Variants in CELF3 observed in about 807,000 individuals in gnomAD.
The protein encoded by CELF3 is CAG repeat domain.
Under a neutral mutation model 59.6 loss-of-function variants are expected in CELF3, and 26 were observed. That is an observed-to-expected ratio of 0.44 (90% CI 0.32 to 0.61). CELF3 has a LOEUF of 0.61. Ranked by LOEUF, CELF3 falls within the 20% of genes least tolerant of loss-of-function variation. The pLI is 0.06. For missense variants in CELF3, 387 were observed against 627.2 expected, an observed-to-expected ratio of 0.62 and a Z score of 4.09; for synonymous variants, 245 against 250.7, an observed-to-expected ratio of 0.98 and a Z score of 0.22.
Position 151,706,289 on chromosome 1 carries a change from G to A in CELF3, c.1061C>T (p.Pro354Leu). ...PQPPALVAQQ[P>L]PPPPQQQQQQ... is the part of the protein sequence containing the mutation. The stretch of plus-strand genomic sequence containing the variant: ...CTGCTGCTGTTGAGGTGGTGGTGGG[G>A]GCTGCTGGGCGACCAGGGCTGGAGG... The change falls in exon 10 of 13, where the codon CCC (proline) becomes CTC (leucine). Residue 354 changes from proline (P) to leucine (L), a missense_variant. Physicochemically the swap from Pro to Leu is moderately conservative, Grantham distance 98. Transcript: ENST00000290583. The A allele has an allele frequency of 1.3e-6, 2 of 1,568,564 alleles. No individual in the cohort carries two copies. Among genetic ancestry groups the A allele is most frequent in the Non-Finnish European group, 1.7e-6 (2 of 1,157,288 alleles).
chr1:151,703,841 G>A (rs558550782), intron 12 of CELF3, among the ~76,000 whole-genome samples: 1 of 152,256 alleles, frequency 6.6e-6, no homozygotes, highest in African/African-American at 2.4e-5. Context: ...GGGAACACCC[G>A]CAGAGAAGGC....
Position 151,703,310 on chromosome 1 carries a change from C to T in CELF3, c.*149G>A, listed in dbSNP as rs932680410. On this transcript the variant is annotated 3_prime_UTR_variant, in exon 13 of 13. Transcript: ENST00000290583. Reference sequence around the variant, plus strand: ...AGAGAGGCAGGGGGGTGGGAGGGGCCGGTGTCTTGTGCCCCCGGGGGCCAC... The same window carrying T: ...AGAGAGGCAGGGGGGTGGGAGGGGCTGGTGTCTTGTGCCCCCGGGGGCCAC... 1.3e-5 allele frequency: 6 copies of T among 455,220 alleles called. No individual in the cohort carries two copies. The highest frequency in any genetic ancestry group is 3.5e-4 in the Middle Eastern group (1 of 2,864). The allele number at this position is 455,220 out of a possible 1,614,324, so 28.2% of individuals were successfully genotyped here.
At chr1:151,703,727 A>AG (rs1672265616) in intron 12 of CELF3, among the ~76,000 whole-genome samples, 1 of 152,012 alleles carries the variant, frequency 6.6e-6, no homozygotes, top group African/African-American at 2.4e-5. Context: ...TAAAGACTGG[A>AG]GGGGGAGAGA....
intron 2 of CELF3, chr1:151,710,421 C>T (rs1672918560): frequency 3.4e-6 from 1 of 293,074 alleles, no homozygotes; most frequent in East Asian, 9.2e-5. Flanking sequence ...CCCTGGCGAC[C>T]GTGGTGACGT....
In CELF3 at chr1:151,700,308, G is replaced by A. The variant is rs1671987253; in HGVS notation, c.*3151C>T. Among the ~76,000 whole-genome samples the A allele has an allele frequency of 6.6e-6, 1 of 152,196 alleles. No homozygotes were observed. Among genetic ancestry groups the A allele is most frequent in the African/African-American group, 2.4e-5 (1 of 41,452 alleles). Reference sequence around the variant, plus strand: ...GGCCGTTAAGATTTTCATGAAGAAAGTAGTGTTTAAGGTGAACTGTTTTAG... The same window carrying A: ...GGCCGTTAAGATTTTCATGAAGAAAATAGTGTTTAAGGTGAACTGTTTTAG... On this transcript the variant is annotated 3_prime_UTR_variant, in exon 13 of 13. Transcript: ENST00000290583.
rs1318426769 is a variant in CELF3, at chr1:151,705,427, T to G, written c.1271-259A>C. On this transcript the variant is annotated intron_variant, in intron 11 of 12. Coordinates refer to ENST00000290583, the MANE Select transcript of CELF3 (RefSeq NM_007185.7). The surrounding 1 kb of genome is among the most constrained non-coding windows in gnomAD (Gnocchi z 5.1). ...GCCTGGATAGCTCTGAGCCTGCCCT[T>G]TGAAAACGGCCACTTCCAGACCCTA... is the stretch of plus-strand genomic sequence containing the variant. Among the ~76,000 whole-genome samples the G allele has an allele frequency of 6.6e-6, 1 of 152,204 alleles. No homozygotes were observed. The highest frequency in any genetic ancestry group is 1.5e-5 in the Non-Finnish European group (1 of 68,026).
intron 2 of CELF3, among the ~76,000 whole-genome samples, chr1:151,712,874 G>A (rs982246107): frequency 1.3e-5 from 2 of 151,986 alleles, no homozygotes; most frequent in African/African-American, 4.8e-5. Context: ...AGTTATGCAG[G>A]AGCTGACACA....
rs1672440683 is a variant in CELF3, at chr1:151,705,614, G to GTTT, written c.1270+205_1270+207dup. Among the ~76,000 whole-genome samples the GTTT allele has an allele frequency of 6.6e-6, 1 of 152,156 alleles. No homozygotes were observed. Among genetic ancestry groups the GTTT allele is most frequent in the South Asian group, 2.1e-4 (1 of 4,830 alleles). The stretch of plus-strand genomic sequence containing the variant: ...ACCTCATGGGACATGAATTTGGCCA[G>GTTT]TTTTTAAGAGAAACGCTGAAGGAAG... On this transcript the variant is annotated intron_variant, in intron 11 of 12. Transcript: ENST00000290583. The surrounding 1 kb of genome is among the most constrained non-coding windows in gnomAD (Gnocchi z 5.1).
chr1:151,715,734 C>T (rs1673426625), intron 1 of CELF3, 142 bp downstream of exon 1: 3 of 1,585,262 alleles, frequency 1.9e-6, no homozygotes, highest in Non-Finnish European at 1.7e-6. Context: ...TCTTTTTCAG[C>T]TCCTCCATCC....
At chr1:151,715,449 C>T (rs1673396538) in intron 1 of CELF3, among the ~76,000 whole-genome samples, 1 of 152,054 alleles carries the variant, frequency 6.6e-6, no homozygotes, top group Non-Finnish European at 1.5e-5. Flanking sequence ...CCACATTGAA[C>T]ACCTGACCCT....
Position 151,705,149 on chromosome 1 carries a change from A to T in CELF3, c.1290T>A (p.Asn430Lys). Reference sequence around the variant, plus strand: ...GGATGGCAGCCTGGGCACTGGCCGGATTGTCGAAACTCACAAAGCCTGGGG... The same window carrying T: ...GGATGGCAGCCTGGGCACTGGCCGGTTTGTCGAAACTCACAAAGCCTGGGG... ...SKCFGFVSFD[N>K]PASAQAAIQA... The change falls in exon 12 of 13, where the codon AAT (asparagine) becomes AAA (lysine). Residue 430 changes from asparagine to lysine, a missense_variant. Transcript: ENST00000290583. The surrounding 1 kb of genome is among the most constrained non-coding windows in gnomAD (Gnocchi z 5.1). 6.2e-7 allele frequency: 1 copy of T among 1,613,386 alleles called. No individual in the cohort carries two copies. The highest frequency in any genetic ancestry group is 8.5e-7 in the Non-Finnish European group (1 of 1,179,552).
At chr1:151,712,703 T>A (rs1168190979) in intron 2 of CELF3, among the ~76,000 whole-genome samples, 2 of 152,234 alleles carry the variant, frequency 1.3e-5, no homozygotes, top group South Asian at 2.1e-4. Flanking sequence ...GCCCCCATTC[T>A]TTCTCTTTCC....
chr1:151,711,036 G>A (rs986995092), intron 2 of CELF3: 11 of 364,226 alleles, frequency 3.0e-5, no homozygotes, highest in African/African-American at 2.3e-4. Context: ...TTTACATTCT[G>A]AGGGTGAGGC....
rs960113505 is a variant in CELF3 at position 151,714,577 on chromosome 1, C to A, written c.228+17G>T. Reference sequence around the variant, plus strand: ...GGCCCTTCTCAGTCCCCTGGCCCTGCAAAGGGCAGGACTCACCCCTGGAAG... The same window carrying A: ...GGCCCTTCTCAGTCCCCTGGCCCTGAAAAGGGCAGGACTCACCCCTGGAAG... On this transcript the variant is annotated intron_variant, in intron 2 of 12. Transcript: ENST00000290583. 6.5e-7 allele frequency: 1 copy of A among 1,548,622 alleles called. No individual in the cohort carries two copies. The highest frequency in any genetic ancestry group is 1.2e-5 in the South Asian group (1 of 84,022).
chr1:151,716,154 C>T lies in CELF3; in HGVS notation c.-134G>A. The T allele has an allele frequency of 1.2e-6, 1 of 866,680 alleles. No homozygotes were observed. 53.7% of individuals were successfully genotyped at this position (866,680 alleles called of 1,614,324 possible). On this transcript the variant is annotated 5_prime_UTR_variant, in exon 1 of 13. It adds an upstream start codon to the 5' untranslated region. Transcript: ENST00000290583. ...TGGCTTTCCCTTTGGCCCCCAACCACGCTGCTAAGCAGAGGGGCGGCTCTT... is the reference window on the plus strand; with the variant it reads ...TGGCTTTCCCTTTGGCCCCCAACCATGCTGCTAAGCAGAGGGGCGGCTCTT...
intron 2 of CELF3, among the ~76,000 whole-genome samples, chr1:151,714,023 G>C (rs1278808865): frequency 6.6e-6 from 1 of 152,182 alleles, no homozygotes; most frequent in Non-Finnish European, 1.5e-5. Flanking sequence ...CCTACCTCCA[G>C]CCCAGACCTG....
chr1:151,706,437 T>TC (rs1200972763), intron 9 of CELF3, 76 bp from the exon 10 acceptor site: 1 of 1,436,302 alleles, frequency 7.0e-7, no homozygotes, highest in Non-Finnish European at 9.4e-7. Context: ...CTGTCTCCCT[T>TC]CCCCTAGCCC....
intron 12 of CELF3, among the ~76,000 whole-genome samples, chr1:151,704,600 GCCAAGGAT>G (rs910889652): frequency 2.0e-5 from 3 of 152,084 alleles, no homozygotes; most frequent in African/African-American, 7.2e-5. Context: ...GATTCTAGGA[GCCAAGGAT>G]TCTAGGGCCC....
Position 151,705,753 on chromosome 1 carries a change from G to A in CELF3, c.1270+69C>T, listed in dbSNP as rs1299056910. 1 of 1,519,934 alleles carries A rather than the reference G, an allele frequency of 6.6e-7. No homozygotes were observed. The highest frequency in any genetic ancestry group is 9.0e-7 in the Non-Finnish European group (1 of 1,109,012). The allele number at this position is 1,519,934 out of a possible 1,614,324, so 94.2% of individuals were successfully genotyped here. A position where few individuals can be genotyped will look rare whatever the true frequency, so the allele number is the denominator to read the frequency against. On this transcript the variant is annotated intron_variant, in intron 11 of 12. Transcript: ENST00000290583. This position sits in a 1 kb window ranked among gnomAD's most constrained non-coding sequence, Gnocchi z 5.1. ...TACTGGGTCCACTGTGACCATAAAT[G>A]CCTTCAAATATATTAGACCTTGTCC...
Sources: gnomAD v4.1 joint callset for allele counts (sites outside exome capture counted in the v4.1 genomes callset) on GRCh38, gnomAD v4.1.1 for gene constraint, Gnocchi (gnomAD v3.1) non-coding constraint, MANE v1.5 for transcripts, NCBI Gene and HGNC (gene_info 2026-07-23, HGNC 2026-07-21) for gene names.